Variants in KDM4C observed in about 807,000 individuals in gnomAD.
KDM4C encodes the protein lysine-specific demethylase 4C.
A neutral mutation model predicts 129.3 loss-of-function variants in KDM4C; 81 were observed. That is an observed-to-expected ratio of 0.63 (90% confidence interval 0.52 to 0.75). KDM4C has a LOEUF of 0.75. Among genes scored for constraint, KDM4C ranks in the 30% least tolerant of loss-of-function variants. The pLI is 0.00. For synonymous variants in KDM4C, 573 were observed against 456.1 expected, an observed-to-expected ratio of 1.26 and a Z score of -3.26; for missense variants, 1,457 against 1,304.0, an observed-to-expected ratio of 1.12 and a Z score of -1.81.
intron 5 of KDM4C, among the ~76,000 whole-genome samples, chr9:6,867,941 C>G (rs1842302606): frequency 1.3e-5 from 2 of 152,182 alleles, no homozygotes; most frequent in African/African-American, 4.8e-5. Flanking sequence ...CCTTATGTAT[C>G]AACCAGAAAG....
rs1415150731 is a variant in KDM4C, at chr9:6,729,168, C to T, written c.49+8171C>T. On this transcript the variant is annotated intron_variant, in intron 1 of 17. Coordinates refer to the KDM4C transcript ENST00000536108. ...GCAGTGAGCCGAGATCACGCCACTG[C>T]ACTCCAGCCTGGGCGACAGAGCAAA... Among the ~76,000 whole-genome samples, 10 of 76,506 alleles carry T rather than the reference C, an allele frequency of 1.3e-4. 1 individual carries two copies. Among genetic ancestry groups the T allele is most frequent in the Admixed American group, 1.8e-4 (1 of 5,552 alleles). The allele number at this position is 76,506 out of a possible 152,430, so 50.2% of individuals were successfully genotyped here.
intron 1 of KDM4C, among the ~76,000 whole-genome samples, chr9:6,776,890 G>A (rs545692393): frequency 2.0e-5 from 3 of 152,192 alleles, no homozygotes; most frequent in Admixed American, 1.3e-4. Flanking sequence ...GCGTGAGCCC[G>A]CGTGCTGGGC....
At chr9:7,123,582 G>T (rs1839729807) in intron 18 of KDM4C, among the ~76,000 whole-genome samples, 1 of 152,178 alleles carries the variant, frequency 6.6e-6, no homozygotes, top group South Asian at 2.1e-4. Context: ...CAGGAACAGT[G>T]TTACAGACAC....
chr9:7,087,675 ATAAATT>A (rs1407821653), intron 17 of KDM4C, among the ~76,000 whole-genome samples: 1 of 152,240 alleles, frequency 6.6e-6, no homozygotes, highest in East Asian at 1.9e-4. Context: ...TAGGAGTAAT[ATAAATT>A]TAAAGGGAAT....
intron 5 of KDM4C, among the ~76,000 whole-genome samples, chr9:6,858,839 T>C (rs1247848759): frequency 6.6e-6 from 1 of 152,136 alleles, no homozygotes; most frequent in Non-Finnish European, 1.5e-5. Context: ...TTTATCATTT[T>C]TTTGGTATCT....
chr9:7,121,069 A>G (rs1839434152), intron 18 of KDM4C, among the ~76,000 whole-genome samples: 1 of 152,190 alleles, frequency 6.6e-6, no homozygotes, highest in African/African-American at 2.4e-5. Flanking sequence ...TTTAGTATGT[A>G]TTTTCTCAGT....
At chr9:7,142,717 C>T (rs569628385) in intron 19 of KDM4C, among the ~76,000 whole-genome samples, 6 of 152,256 alleles carry the variant, frequency 3.9e-5, no homozygotes, top group Non-Finnish European at 5.9e-5. Flanking sequence ...ATAACATACC[C>T]ATGGCTGGCT....
chr9:6,747,213 C>CCAAT, intron 1 of KDM4C, among the ~76,000 whole-genome samples: 1 of 138,316 alleles, frequency 7.2e-6, no homozygotes, highest in African/African-American at 2.9e-5. Context: ...AACCAACCAA[C>CCAAT]CAACCAACCA....
At chr9:6,883,778 A>G (rs1400987930) in intron 6 of KDM4C, among the ~76,000 whole-genome samples, 2 of 152,118 alleles carry the variant, frequency 1.3e-5, no homozygotes, top group African/African-American at 4.8e-5. Flanking sequence ...AGCCAGAAGA[A>G]TCCTGGTTAG....
intron 18 of KDM4C, among the ~76,000 whole-genome samples, chr9:7,110,375 G>A (rs1199877625): frequency 2.6e-5 from 4 of 152,064 alleles, no homozygotes; most frequent in Non-Finnish European, 5.9e-5. Flanking sequence ...AAATGGTTCA[G>A]GGTTCATGTT....
intron 5 of KDM4C, among the ~76,000 whole-genome samples, chr9:6,863,508 G>C (rs1841350781): frequency 6.6e-6 from 1 of 152,032 alleles, no homozygotes; most frequent in African/African-American, 2.4e-5. Flanking sequence ...TGGTAAGAGA[G>C]AGAAGGGGCT....
chr9:6,813,547 C>G (rs1167821929), intron 3 of KDM4C, among the ~76,000 whole-genome samples: 1 of 151,636 alleles, frequency 6.6e-6, no homozygotes, highest in Non-Finnish European at 1.5e-5. Flanking sequence ...TCTAAAATGT[C>G]CAGTATGCTT....
At chr9:7,016,507 A>C (rs1249612335) in intron 15 of KDM4C, among the ~76,000 whole-genome samples, 2 of 138,268 alleles carry the variant, frequency 1.4e-5, no homozygotes, top group Non-Finnish European at 3.1e-5. Context: ...GCTCATTGCA[A>C]CCTCCGCCTC....
chr9:6,828,968 G>A (rs1365967390), intron 4 of KDM4C, among the ~76,000 whole-genome samples: 1 of 152,178 alleles, frequency 6.6e-6, no homozygotes, highest in East Asian at 1.9e-4. Context: ...CTTCACAGTT[G>A]AAACATACTT....
chr9:6,998,942 T>C (rs1215928691), intron 12 of KDM4C, among the ~76,000 whole-genome samples: 1 of 152,258 alleles, frequency 6.6e-6, no homozygotes, highest in Non-Finnish European at 1.5e-5. Flanking sequence ...TGTTTTTTTT[T>C]CTGGCATCGC....
At chr9:6,862,872 C>T (rs1841214035) in intron 5 of KDM4C, among the ~76,000 whole-genome samples, 1 of 152,020 alleles carries the variant, frequency 6.6e-6, no homozygotes, top group Admixed American at 6.6e-5. Context: ...CATAGGAAAT[C>T]TTGAAAATGC....
At chr9:7,049,860 A>G (rs1050169779) in intron 17 of KDM4C, among the ~76,000 whole-genome samples, 1 of 152,082 alleles carries the variant, frequency 6.6e-6, no homozygotes, top group Non-Finnish European at 1.5e-5. Context: ...TTAGGCCCTT[A>G]TATTGCATAC....
At chr9:6,937,408 C>G (rs953448974) in intron 8 of KDM4C, among the ~76,000 whole-genome samples, 1 of 152,140 alleles carries the variant, frequency 6.6e-6, no homozygotes, top group African/African-American at 2.4e-5. Flanking sequence ...GAAGGTGTTT[C>G]TCTTGCAGAG....
intron 1 of KDM4C, among the ~76,000 whole-genome samples, chr9:6,746,611 G>A (rs1007920615): frequency 2.0e-5 from 3 of 151,764 alleles, no homozygotes; most frequent in African/African-American, 7.3e-5. Flanking sequence ...CAAGTGTGGT[G>A]CCTCACGCCC....
Sources: gnomAD v4.1 joint callset for allele counts (sites outside exome capture counted in the v4.1 genomes callset) on GRCh38, gnomAD v4.1.1 for gene constraint, MANE v1.5 for transcripts, NCBI Gene and HGNC (gene_info 2026-07-23, HGNC 2026-07-21) for gene names.